The following PRELID2 variants were observed in gnomAD, a reference collection of about 807,000 sequenced individuals.
PRELID2 encodes PRELI domain containing 2.
In PRELID2, 25 loss-of-function variants were observed where a neutral mutation model predicts 28.4. That is an observed-to-expected ratio of 0.88 (90% confidence interval 0.64 to 1.23). The LOEUF (loss-of-function observed/expected upper bound fraction) is 1.23. Among genes scored for constraint, PRELID2 ranks in the 50% most tolerant of loss-of-function variants. PRELID2 has a pLI of 0.00. For missense variants in PRELID2, 201 were observed against 214.4 expected, an observed-to-expected ratio of 0.94 and a Z score of 0.39; for synonymous variants, 76 against 71.6, an observed-to-expected ratio of 1.06 and a Z score of -0.31.
chr5:145,739,173 G>T (rs1002182785), intron 1 of PRELID2, among the ~76,000 whole-genome samples: 7 of 152,170 alleles, frequency 4.6e-5, no homozygotes, highest in African/African-American at 1.4e-4. Context: ...AAGAATGGCT[G>T]AAGTATATTC....
chr5:145,553,191 C>CCCG (rs1554076078), intron 1 of PRELID2, among the ~76,000 whole-genome samples: 8 of 141,488 alleles, frequency 5.7e-5, no homozygotes, highest in African/African-American at 2.2e-4. Context: ...GACCCCCCCC[C>CCCG]CCAAAAAAAA....
intron 1 of PRELID2, among the ~76,000 whole-genome samples, chr5:145,685,306 T>A (rs1755013790): frequency 6.6e-6 from 1 of 152,192 alleles, no homozygotes; most frequent in African/African-American, 2.4e-5. Context: ...CTGTTTTCAC[T>A]CTTCCATAAG....
rs202178325 is a variant in PRELID2, at chr5:145,684,444, AC to A, written n.70+80486del. 7.1e-3 allele frequency among the ~76,000 whole-genome samples: 1,084 copies of A among 152,216 alleles called. 17 individuals carry two copies. The highest frequency in any genetic ancestry group is 0.024 in the African/African-American group (1,011 of 41,502). ...AGGTCGTGGGAGAGAAAGGAAAAAA[AC>A]CCCACTAAAACCTATCACTCTCTTC... is the stretch of plus-strand genomic sequence containing the variant. On this transcript the variant is annotated intron_variant and non_coding_transcript_variant, in intron 1 of 2. Coordinates refer to the PRELID2 transcript ENST00000510259.
At chr5:145,262,790 A>T in the PRELID2 span, among the ~76,000 whole-genome samples, 1 of 152,176 alleles carries the variant, frequency 6.6e-6, no homozygotes, top group Admixed American at 6.5e-5. Flanking sequence ...AAAAAAACAC[A>T]AAGTATTCAG....
chr5:145,765,104 T>C, intron 5 of PRELID2, 104 bp from the exon 6 acceptor site: 1 of 753,940 alleles, frequency 1.3e-6, no homozygotes, highest in East Asian at 2.7e-5. Context: ...CATGGCCATA[T>C]ATTCATTTCA....
chr5:145,532,617 C>A (rs1035726045), intron 1 of PRELID2, among the ~76,000 whole-genome samples: 1 of 152,048 alleles, frequency 6.6e-6, no homozygotes, highest in Non-Finnish European at 1.5e-5. Context: ...TCTTCCCATT[C>A]CCCATCCTGC....
At chr5:145,345,229 C>T in the PRELID2 span, among the ~76,000 whole-genome samples, 2 of 152,126 alleles carry the variant, frequency 1.3e-5, no homozygotes, top group South Asian at 4.2e-4. Context: ...TGTACTTATT[C>T]CATTCTCACT....
At chr5:145,628,859 C>T (rs939567506) in intron 1 of PRELID2, among the ~76,000 whole-genome samples, 21 of 152,138 alleles carry the variant, frequency 1.4e-4, no homozygotes, top group Non-Finnish European at 5.9e-5. Flanking sequence ...CCACAGCCCA[C>T]GTGGAAAACG....
chr5:145,377,154 T>A, the PRELID2 span, among the ~76,000 whole-genome samples: 1 of 152,322 alleles, frequency 6.6e-6, no homozygotes, highest in Non-Finnish European at 1.5e-5. Flanking sequence ...TACCTAAAAG[T>A]CATTCAAGAG....
Position 145,817,271 on chromosome 5 carries a change from C to T in PRELID2, c.368+623G>A, listed in dbSNP as rs867727154. 2.2e-5 allele frequency among the ~76,000 whole-genome samples: 3 copies of T among 133,850 alleles called. No homozygotes were observed. The South Asian group carries it at 7.3e-4, about 32-fold the overall frequency. The allele number at this position is 133,850 out of a possible 152,430, so 87.8% of individuals were successfully genotyped here. On this transcript the variant is annotated intron_variant, in intron 4 of 6. Coordinates refer to ENST00000683046, the MANE Select transcript of PRELID2 (RefSeq NM_205846.3). ...AAACAACTCATATAACATAAAGGAT[C>T]ATATACAAGGAAGATATGCTTCACA...
At chr5:145,658,071 C>G (rs1754426490) in intron 1 of PRELID2, among the ~76,000 whole-genome samples, 1 of 152,162 alleles carries the variant, frequency 6.6e-6, no homozygotes, top group South Asian at 2.1e-4. Context: ...CTCTTGTGTG[C>G]CTGGCAATGT....
At chr5:145,266,032 AC>A in the PRELID2 span, among the ~76,000 whole-genome samples, 3 of 152,200 alleles carry the variant, frequency 2.0e-5, no homozygotes, top group East Asian at 5.8e-4. Flanking sequence ...CAGACAACCC[AC>A]AGAGTGGGAG....
intron 1 of PRELID2, among the ~76,000 whole-genome samples, chr5:145,737,247 C>T (rs1392066187): frequency 1.3e-5 from 2 of 151,786 alleles, no homozygotes; most frequent in Non-Finnish European, 2.9e-5. Flanking sequence ...GGGTGCTAGG[C>T]GGGAGTATAA....
In PRELID2 at chr5:145,640,762, A is replaced by G. The variant is rs999642176; in HGVS notation, n.70+124169T>C. The stretch of plus-strand genomic sequence containing the variant: ...TTGGAGGATTCACCAACCCCCCAAT[A>G]ACAAAACATATTACAAAACTATAGT... On this transcript the variant is annotated intron_variant and non_coding_transcript_variant, in intron 1 of 2. Transcript: ENST00000510259. Among the ~76,000 whole-genome samples the G allele has an allele frequency of 3.3e-5, 5 of 152,196 alleles. No individual in the cohort carries two copies. The East Asian group carries it at 9.6e-4, about 29-fold the overall frequency.
At chr5:145,790,472 T>G (rs1256238324) in intron 5 of PRELID2, among the ~76,000 whole-genome samples, 1 of 151,944 alleles carries the variant, frequency 6.6e-6, no homozygotes, top group South Asian at 2.1e-4. Flanking sequence ...TATCTGAGGC[T>G]GGGGGAGGTG....
At chr5:145,767,448 G>A (rs567567524) in intron 5 of PRELID2, among the ~76,000 whole-genome samples, 12 of 152,226 alleles carry the variant, frequency 7.9e-5, no homozygotes, top group East Asian at 1.9e-4. Flanking sequence ...ACAAGGAGCC[G>A]GGTGCAAGTG....
chr5:145,821,147 T>G (rs1754757757), intron 2 of PRELID2, among the ~76,000 whole-genome samples: 1 of 34,434 alleles, frequency 2.9e-5, no homozygotes. Context: ...CATCCAACTC[T>G]CCTGGGTGTG....
chr5:145,420,232 T>C, the PRELID2 span, among the ~76,000 whole-genome samples: 2 of 152,162 alleles, frequency 1.3e-5, no homozygotes. Flanking sequence ...TTTAGTTCCA[T>C]ATGAACTTTA....
At chr5:145,795,725 T>C (rs1341450098) in intron 5 of PRELID2, 2 of 152,156 alleles carry the variant, frequency 1.3e-5, no homozygotes, top group Non-Finnish European at 2.9e-5. Context: ...TACTGAGCAC[T>C]GCAATAAGCA....
Sources: allele counts gnomAD v4.1 joint callset (sites outside exome capture counted in the v4.1 genomes callset), GRCh38; gene constraint gnomAD v4.1.1; transcripts MANE v1.5; gene names NCBI Gene and HGNC (gene_info 2026-07-23, HGNC 2026-07-21).